The following RGS13 variants were observed in gnomAD, a reference collection of about 807,000 sequenced individuals.
RGS13 encodes the protein regulator of G protein signaling 13, also known as regulator of G-protein signalling 13.
RGS13 carries 14 observed loss-of-function variants against 19.9 expected under a neutral mutation model. The observed-to-expected ratio is 0.70, with a 90% confidence interval of 0.46 to 1.10. The LOEUF is 1.10. RGS13 is among the 50% of genes least tolerant of loss of function. The probability of loss-of-function intolerance (pLI) is 0.00; values close to 1 mark genes in which losing one functional copy is unlikely to be tolerated. For missense variants in RGS13, 205 were observed against 187.1 expected (o/e 1.10, Z -0.56); for synonymous variants, 60 against 56.8 (o/e 1.06, Z -0.25).
chr1:192,649,941 A>G (rs1663305937), intron 5 of RGS13, among the ~76,000 whole-genome samples: 2 of 152,126 alleles, frequency 1.3e-5, no homozygotes, highest in South Asian at 4.1e-4. Context: ...TAAATTCCTT[A>G]AGAGCACAGC....
intron 3 of RGS13, among the ~76,000 whole-genome samples, chr1:192,643,611 G>T (rs1255818649): frequency 6.6e-6 from 1 of 152,092 alleles, no homozygotes; most frequent in South Asian, 2.1e-4. Context: ...TACTTGTCCA[G>T]TTAAAATAAG....
Position 192,648,001 on chromosome 1 carries a change from ATCTG to A in RGS13, c.127+17_127+20del. The A allele has an allele frequency of 6.4e-7, 1 of 1,563,934 alleles. No homozygotes were observed. Among genetic ancestry groups the A allele is most frequent in the Non-Finnish European group, 8.7e-7 (1 of 1,144,070 alleles). ...TGGCTACAAAATGTGAGTATTGCGT[ATCTG>A]TCATCTTTGAATAACTAGCGAGTTC... On this transcript the variant is annotated intron_variant, in intron 5 of 6. Transcript: ENST00000391995.
intron 5 of RGS13, among the ~76,000 whole-genome samples, chr1:192,657,559 T>G (rs1389455892): frequency 6.6e-6 from 1 of 152,132 alleles, no homozygotes; most frequent in Non-Finnish European, 1.5e-5. Context: ...ATAATCCCTG[T>G]CCTGTACTAG....
At chr1:192,640,344 T>C (rs1009507454) in intron 3 of RGS13, among the ~76,000 whole-genome samples, 1 of 152,070 alleles carries the variant, frequency 6.6e-6, no homozygotes, top group African/African-American at 2.4e-5. Context: ...AATGTAACAG[T>C]TTTTTAGTCT....
chr1:192,658,505 AT>A, intron 6 of RGS13, 138 bp downstream of exon 6: 1 of 720,188 alleles, frequency 1.4e-6, no homozygotes, highest in Non-Finnish European at 2.2e-6. Flanking sequence ...TGCTAACCTT[AT>A]TTTACAGATA....
At chr1:192,656,700 C>T (rs944281427) in intron 5 of RGS13, among the ~76,000 whole-genome samples, 1 of 152,026 alleles carries the variant, frequency 6.6e-6, no homozygotes, top group Admixed American at 6.6e-5. Flanking sequence ...CATTTGCTCA[C>T]GTGATAATAA....
At position 192,658,263 on chromosome 1, in the gene RGS13, T is replaced by C. The variant is rs761071258; in HGVS notation, c.190T>C (p.Trp64Arg). 13 of 1,613,422 alleles carry C rather than the reference T, an allele frequency of 8.1e-6. No individual in the cohort carries two copies. In the East Asian group the frequency reaches 1.6e-4, roughly 19 times the overall value. ...GCACAGTGACGAGAATATTCAATTCTGGATGGCATGTGAAACCTATAAGAA... is the reference window on the plus strand; with the variant it reads ...GCACAGTGACGAGAATATTCAATTCCGGATGGCATGTGAAACCTATAAGAA... Reference protein sequence around the residue: ...MEHSDENIQFWMACETYKKIA... With the variant: ...MEHSDENIQFRMACETYKKIA... Residue 64 changes from tryptophan (W) to arginine (R), a missense_variant, in exon 6 of 7, where the codon TGG (tryptophan) becomes CGG (arginine). By Grantham distance (101) the Trp-to-Arg change is moderately radical (BLOSUM62 -3). Transcript: ENST00000391995.
chr1:192,658,652 A>T (rs986496592), intron 6 of RGS13: 1 of 287,854 alleles, frequency 3.5e-6, no homozygotes, highest in Admixed American at 4.6e-5. Context: ...ACTTAAAAAG[A>T]AAAAAAGGAG....
intron 5 of RGS13, among the ~76,000 whole-genome samples, chr1:192,656,344 TG>T (rs1050426290): frequency 1.0e-3 from 155 of 150,676 alleles, no homozygotes; most frequent in African/African-American, 3.7e-3. Flanking sequence ...CTTAACATTC[TG>T]TTTTTTTTTT....
intron 3 of RGS13, among the ~76,000 whole-genome samples, chr1:192,641,226 A>AAGAG: frequency 2.9e-5 from 1 of 34,746 alleles, no homozygotes; most frequent in African/African-American, 9.9e-5. Context: ...GAAAGAGAGA[A>AAGAG]AGAAAGAAAG....
At chr1:192,649,976 C>G (rs1225573709) in intron 5 of RGS13, among the ~76,000 whole-genome samples, 1 of 151,926 alleles carries the variant, frequency 6.6e-6, no homozygotes, top group Non-Finnish European at 1.5e-5. Context: ...CCTTTCAAAC[C>G]CCTGAGAGAC....
intron 3 of RGS13, among the ~76,000 whole-genome samples, chr1:192,640,421 C>A (rs1188019585): frequency 2.0e-5 from 3 of 152,138 alleles, no homozygotes; most frequent in Non-Finnish European, 4.4e-5. Context: ...ATTTTCATCA[C>A]ACTGCTGTTT....
Position 192,660,177 on chromosome 1 carries a change from G to A in RGS13, c.*654G>A, listed in dbSNP as rs1233518162. 6.6e-6 allele frequency: 1 copy of A among 151,834 alleles called. No individual in the cohort carries two copies. Among genetic ancestry groups the A allele is most frequent in the African/African-American group, 2.4e-5 (1 of 41,358 alleles). 9.4% of individuals were successfully genotyped at this position (151,834 alleles called of 1,614,324 possible). ...ACATTGCTATAAGGATATAAAATGT[G>A]GTTTCTATATTTTGAGATGTTTTTT... On this transcript the variant is annotated 3_prime_UTR_variant, in exon 7 of 7. Coordinates refer to ENST00000391995, the MANE Select transcript of RGS13 (RefSeq NM_002927.5).
At chr1:192,646,696 A>G (rs1037787748) in intron 4 of RGS13, 34 of 151,714 alleles carry the variant, frequency 2.2e-4, no homozygotes, top group African/African-American at 6.1e-4. Flanking sequence ...GTTCTCCCCA[A>G]TGTGTCCATA....
intron 4 of RGS13, chr1:192,645,393 C>A (rs921921489): frequency 2.0e-5 from 3 of 152,132 alleles, no homozygotes; most frequent in Non-Finnish European, 4.4e-5. Flanking sequence ...ACTTGGCATT[C>A]ATGACCTAAT....
chr1:192,657,383 T>C (rs1002695781), intron 5 of RGS13, among the ~76,000 whole-genome samples: 1 of 152,118 alleles, frequency 6.6e-6, no homozygotes, highest in Non-Finnish European at 1.5e-5. Flanking sequence ...TTGTGAGAGC[T>C]CACCTAATCC....
intron 3 of RGS13, among the ~76,000 whole-genome samples, chr1:192,643,845 C>T (rs990105210): frequency 6.6e-6 from 1 of 151,928 alleles, no homozygotes. Context: ...CCAGCTACTC[C>T]AGAGGTTGAG....
intron 4 of RGS13, 124 bp downstream of exon 4, chr1:192,644,523 G>C: frequency 1.4e-6 from 1 of 718,470 alleles, no homozygotes; most frequent in East Asian, 2.6e-5. Flanking sequence ...GCATTTACAC[G>C]TGAGTCATTT....
intron 6 of RGS13, 104 bp downstream of exon 6, chr1:192,658,471 C>A (rs1663488605): frequency 9.7e-7 from 1 of 1,030,910 alleles, no homozygotes. Flanking sequence ...TCCAGTATCT[C>A]CTAAAATGCT....
Sources: allele counts gnomAD v4.1 joint callset (sites outside exome capture counted in the v4.1 genomes callset), GRCh38; gene constraint gnomAD v4.1.1; transcripts MANE v1.5; gene names NCBI Gene and HGNC (gene_info 2026-07-23, HGNC 2026-07-21).